PCDHA1: variants seen among roughly 807,000 people sequenced by gnomAD.
PCDHA1 encodes the protein protocadherin alpha-1.
In PCDHA1, 42 loss-of-function variants were observed where a neutral mutation model predicts 61.3. That is an observed-to-expected ratio of 0.69 (90% CI 0.54 to 0.89). The LOEUF (loss-of-function observed/expected upper bound fraction) is 0.89, where lower values mean the gene tolerates loss of function less well. Ranked by LOEUF, PCDHA1 falls within the 40% of genes least tolerant of loss-of-function variation. The pLI is 0.00. For synonymous variants in PCDHA1, 610 were observed against 553.8 expected, an observed-to-expected ratio of 1.10 and a Z score of -1.43; for missense variants, 1,256 against 1,235.3, an observed-to-expected ratio of 1.02 and a Z score of -0.25.
At chr5:140,884,446 G>C in intron 1 of PCDHA1, 1 of 1,613,770 alleles carries the variant, frequency 6.2e-7, no homozygotes, top group Non-Finnish European at 8.5e-7. Context: ...GCTCGGCACC[G>C]CCCACCGAGG....
Position 140,795,377 on chromosome 5 carries a change from A to G in PCDHA1, c.2394+6693A>G, listed in dbSNP as rs149936360. 9.0e-4 allele frequency: 1,453 copies of G among 1,614,128 alleles called. 1 individual carries two copies. The highest frequency in any genetic ancestry group is 1.2e-3 in the Non-Finnish European group (1,359 of 1,180,020). On this transcript the variant is annotated intron_variant, in intron 1 of 3. Coordinates refer to ENST00000504120, the MANE Select transcript of PCDHA1 (RefSeq NM_018900.4). The stretch of plus-strand genomic sequence containing the variant: ...CCGCCAATATTTCCAATGACAGTAA[A>G]GACTATCCGGTTTCCCGAATCAAGG...
At chr5:140,875,268 A>G (rs1484025646) in intron 1 of PCDHA1, 4 of 1,218,994 alleles carry the variant, frequency 3.3e-6, no homozygotes, top group Non-Finnish European at 4.4e-6. Context: ...GTCGCTCTAC[A>G]CTCAGAAGGT....
At chr5:140,823,080 G>A in intron 1 of PCDHA1, 4 of 1,613,920 alleles carry the variant, frequency 2.5e-6, no homozygotes, top group East Asian at 2.2e-5. Flanking sequence ...CTTCGCTGTG[G>A]GCCACCGCCA....
At chr5:140,870,389 G>A (rs1262225558) in intron 1 of PCDHA1, 1 of 1,614,132 alleles carries the variant, frequency 6.2e-7, no homozygotes, top group Non-Finnish European at 8.5e-7. Context: ...GCGCGGGATG[G>A]GGGTTCGCCT....
At chr5:140,803,051 G>A (rs1554122551) in intron 1 of PCDHA1, 5 of 1,613,992 alleles carry the variant, frequency 3.1e-6, no homozygotes, top group Non-Finnish European at 4.2e-6. Context: ...CCGGCGGTGC[G>A]CGCATCCCGT....
At chr5:140,911,160 G>A (rs1226577638) in intron 1 of PCDHA1, among the ~76,000 whole-genome samples, 1 of 152,086 alleles carries the variant, frequency 6.6e-6, no homozygotes, top group African/African-American at 2.4e-5. Context: ...AGACAAATGT[G>A]GAAAGGCTGA....
intron 1 of PCDHA1, chr5:140,808,476 G>A (rs1554124581): frequency 1.2e-6 from 2 of 1,614,176 alleles, no homozygotes; most frequent in South Asian, 2.2e-5. Flanking sequence ...GCGCGAGACG[G>A]GGGCTCGCCT....
At chr5:140,996,802 T>C (rs1554255415) in intron 3 of PCDHA1, among the ~76,000 whole-genome samples, 1 of 152,218 alleles carries the variant, frequency 6.6e-6, no homozygotes, top group Non-Finnish European at 1.5e-5. Flanking sequence ...CATCCAATCA[T>C]GCTTTCCAAA....
chr5:140,790,265 T>C (rs1554118518), intron 1 of PCDHA1, among the ~76,000 whole-genome samples: 1 of 152,238 alleles, frequency 6.6e-6, no homozygotes, highest in African/African-American at 2.4e-5. Flanking sequence ...GACATCATTG[T>C]ATTTGGTAGT....
chr5:140,942,280 C>T (rs1157451404), intron 1 of PCDHA1, among the ~76,000 whole-genome samples: 6 of 152,030 alleles, frequency 3.9e-5, no homozygotes, highest in African/African-American at 1.5e-4. Context: ...AATGGTGGCT[C>T]ATGCCTGTAA....
Position 140,877,413 on chromosome 5 carries a change from G to T in PCDHA1, c.2394+88729G>T, listed in dbSNP as rs540811233. 2.4e-5 allele frequency: 39 copies of T among 1,613,922 alleles called. No homozygotes were observed. The East Asian group carries it at 2.5e-4, about 10-fold the overall frequency. On this transcript the variant is annotated intron_variant, in intron 1 of 3. Transcript: ENST00000504120. Reference sequence around the variant, plus strand: ...AGGCGGACGCTCCGCGCCACCGCCTGCTGGTGCTGGTGAAGGACCACGGTG... The same window carrying T: ...AGGCGGACGCTCCGCGCCACCGCCTTCTGGTGCTGGTGAAGGACCACGGTG...
chr5:140,849,536 T>C lies in PCDHA1; in HGVS notation c.2394+60852T>C, dbSNP rs2150439955. On this transcript the variant is annotated intron_variant, in intron 1 of 3. Transcript: ENST00000504120. ...AAGTTGTGGATGTAAATGACAATGC[T>C]CCACAGTTGACTATCAAAACGCTCT... The C allele has an allele frequency of 1.9e-6, 3 of 1,597,980 alleles. 1 individual carries two copies. Among genetic ancestry groups the C allele is most frequent in the Non-Finnish European group, 2.6e-6 (3 of 1,167,716 alleles).
intron 3 of PCDHA1, 40 bp downstream of exon 3, chr5:140,982,603 G>A: frequency 6.2e-7 from 1 of 1,607,892 alleles, no homozygotes; most frequent in East Asian, 2.2e-5. Context: ...TTGGTTTCTG[G>A]AAAGTGATCA....
chr5:140,808,941 T>G (rs1554124905), intron 1 of PCDHA1: 1 of 1,613,526 alleles, frequency 6.2e-7, no homozygotes, highest in South Asian at 1.1e-5. Flanking sequence ...CCATGGTCGG[T>G]GGGTGTGGGC....
chr5:140,994,429 G>A (rs1474074265), intron 3 of PCDHA1, among the ~76,000 whole-genome samples: 1 of 152,110 alleles, frequency 6.6e-6, no homozygotes, highest in Non-Finnish European at 1.5e-5. Flanking sequence ...GAGGCCGGGC[G>A]CAGTGGCTCA....
intron 1 of PCDHA1, among the ~76,000 whole-genome samples, chr5:140,933,650 CCTGTCTCTCTCT>C (rs1218539002): frequency 2.6e-5 from 4 of 151,890 alleles, no homozygotes; most frequent in South Asian, 2.1e-4. Context: ...AGTTGGAAAT[CCTGTCTCTCTCT>C]CTGTCTCTCT....
intron 2 of PCDHA1, among the ~76,000 whole-genome samples, chr5:140,979,726 G>A (rs2096861839): frequency 1.3e-5 from 2 of 152,072 alleles, no homozygotes; most frequent in African/African-American, 4.8e-5. Context: ...CATGCCATGG[G>A]GCCAAATAAA....
chr5:140,944,871 C>T (rs1370417254), intron 1 of PCDHA1, among the ~76,000 whole-genome samples: 1 of 152,110 alleles, frequency 6.6e-6, no homozygotes, highest in Non-Finnish European at 1.5e-5. Flanking sequence ...ATCTTAACCA[C>T]CTACTCCACT....
At chr5:140,821,368 A>G (rs1554128069) in intron 1 of PCDHA1, among the ~76,000 whole-genome samples, 1 of 152,220 alleles carries the variant, frequency 6.6e-6, no homozygotes, top group African/African-American at 2.4e-5. Flanking sequence ...ATTTTTCTGT[A>G]ATATTTTAAT....
Sources: gnomAD v4.1 joint callset for allele counts (sites outside exome capture counted in the v4.1 genomes callset) on GRCh38, gnomAD v4.1.1 for gene constraint, MANE v1.5 for transcripts, NCBI Gene and HGNC (gene_info 2026-07-23, HGNC 2026-07-21) for gene names.